COL23A1: variants seen among roughly 807,000 people sequenced by gnomAD.
COL23A1 encodes the protein collagen type XXIII alpha 1 chain, also known as collagen alpha-1(XXIII) chain.
In COL23A1, 97 loss-of-function variants were observed where a neutral mutation model predicts 99.3. That is an observed-to-expected ratio of 0.98 (90% CI 0.83 to 1.16). COL23A1 has a LOEUF of 1.16. Ranked by LOEUF, COL23A1 falls within the 50% of genes most tolerant of loss-of-function variation. COL23A1 has a pLI of 0.00. For synonymous variants in COL23A1, 320 were observed against 308.2 expected, an observed-to-expected ratio of 1.04 and a Z score of -0.40; for missense variants, 762 against 757.4, an observed-to-expected ratio of 1.01 and a Z score of -0.07.
At chr5:178,303,591 G>A (rs1758186265) in intron 3 of COL23A1, among the ~76,000 whole-genome samples, 1 of 152,190 alleles carries the variant, frequency 6.6e-6, no homozygotes, top group Non-Finnish European at 1.5e-5. Context: ...AAAGACTCTA[G>A]CACAGACACT....
At chr5:178,521,358 C>T (rs760244311) in intron 2 of COL23A1, among the ~76,000 whole-genome samples, 1 of 151,910 alleles carries the variant, frequency 6.6e-6, no homozygotes, top group African/African-American at 2.4e-5. Flanking sequence ...TGGAGACCAT[C>T]CTGGCTAACA....
At position 178,483,216 on chromosome 5, in the gene COL23A1, T is replaced by C. The variant is rs1757433940; in HGVS notation, c.361+77466A>G. 2.0e-5 allele frequency among the ~76,000 whole-genome samples: 3 copies of C among 152,202 alleles called. No homozygotes were observed. In the South Asian group the frequency reaches 6.2e-4, roughly 31 times the overall value. ...TTATGCAGATATCTAGAGTTAAATATTTGCATGTAATTTCACACAGTTCTT... is the reference window on the plus strand; with the variant it reads ...TTATGCAGATATCTAGAGTTAAATACTTGCATGTAATTTCACACAGTTCTT... On this transcript the variant is annotated intron_variant, in intron 2 of 28. Transcript: ENST00000390654.
rs535150602 is a variant in COL23A1, at chr5:178,308,629, G to A, written c.362-1710C>T. The stretch of plus-strand genomic sequence containing the variant: ...GAGGCCTGCGACACCCACACTGTCC[G>A]GCCAATTACCTTCCTATCTCCACGT... On this transcript the variant is annotated intron_variant, in intron 2 of 28. Transcript: ENST00000390654. This position sits in a 1 kb window ranked among gnomAD's most constrained non-coding sequence, Gnocchi z 5.1. Among the ~76,000 whole-genome samples the A allele has an allele frequency of 4.6e-5, 7 of 152,278 alleles. No individual in the cohort carries two copies. The highest frequency in any genetic ancestry group is 2.1e-4 in the South Asian group (1 of 4,828).
intron 5 of COL23A1, among the ~76,000 whole-genome samples, chr5:178,270,914 G>A (rs1445651677): frequency 6.6e-6 from 1 of 152,232 alleles, no homozygotes. Context: ...CAATACTTTT[G>A]TTTTGCCTTC....
At chr5:178,572,021 TTGCGCCAC>T (rs1763128870) in intron 1 of COL23A1, among the ~76,000 whole-genome samples, 1 of 140,114 alleles carries the variant, frequency 7.1e-6, no homozygotes, top group Non-Finnish European at 1.5e-5. Context: ...TGAGCCGAGA[TTGCGCCAC>T]TGCACTCCAG....
chr5:178,361,179 T>C lies in COL23A1; in HGVS notation c.362-54260A>G, dbSNP rs947486310. Among the ~76,000 whole-genome samples the C allele has an allele frequency of 1.2e-4, 18 of 152,346 alleles. 1 individual carries two copies. The highest frequency in any genetic ancestry group is 1.2e-3 in the Admixed American group (18 of 15,308). ...ATAAAATATATTTTAAAATGAAACC[T>C]AAATTACTACCACAAAAGGAAAACC... On this transcript the variant is annotated intron_variant, in intron 2 of 28. Transcript: ENST00000390654.
intron 2 of COL23A1, among the ~76,000 whole-genome samples, chr5:178,547,950 A>C (rs1188682826): frequency 2.2e-5 from 1 of 45,514 alleles, no homozygotes; most frequent in Non-Finnish European, 3.9e-5. Context: ...CCCCCCACAC[A>C]CACCCACACA....
chr5:178,369,141 T>A (rs1762660990), intron 2 of COL23A1, among the ~76,000 whole-genome samples: 3 of 152,192 alleles, frequency 2.0e-5, no homozygotes, highest in African/African-American at 7.2e-5. Flanking sequence ...AGGGACAGCA[T>A]CAGTCATGTG....
intron 2 of COL23A1, among the ~76,000 whole-genome samples, chr5:178,549,503 C>G (rs1761891485): frequency 6.6e-6 from 1 of 152,032 alleles, no homozygotes; most frequent in Admixed American, 6.6e-5. Flanking sequence ...GGAACTGGTA[C>G]CTTGGCTCTG....
chr5:178,452,011 A>G (rs7720040), intron 2 of COL23A1, among the ~76,000 whole-genome samples: 9,323 of 152,194 alleles, frequency 0.061, 918 homozygotes, highest in African/African-American at 0.21. Context: ...AACTTATTCT[A>G]AAGTTCATAT....
intron 1 of COL23A1, among the ~76,000 whole-genome samples, chr5:178,577,042 C>T (rs899275518): frequency 6.6e-6 from 1 of 152,100 alleles, no homozygotes; most frequent in Non-Finnish European, 1.5e-5. Flanking sequence ...ACTGCTTCTG[C>T]CTGAGGACTC....
At chr5:178,301,485 T>C (rs1023638804) in intron 3 of COL23A1, among the ~76,000 whole-genome samples, 6 of 152,236 alleles carry the variant, frequency 3.9e-5, no homozygotes, top group African/African-American at 1.4e-4. Context: ...TGCCCTACTT[T>C]CCTGTCTTCT....
Position 178,590,005 on chromosome 5 carries a change from C to T in COL23A1, c.193G>A (p.Val65Met), listed in dbSNP as rs1244081216. 3.5e-5 allele frequency: 48 copies of T among 1,355,462 alleles called. No homozygotes were observed. The highest frequency in any genetic ancestry group is 4.3e-5 in the Non-Finnish European group (45 of 1,055,824). The allele number at this position is 1,355,462 out of a possible 1,614,324, so 84.0% of individuals were successfully genotyped here. The change falls in exon 1 of 29, where the codon GTG becomes ATG. Residue 65 changes from valine to methionine, a missense_variant. Physicochemically the swap from Val to Met is conservative, Grantham distance 21. Transcript: ENST00000390654. The surrounding 1 kb of genome is among the most constrained non-coding windows in gnomAD (Gnocchi z 5.7). ...GVQAAALQGR[V>M]AALEEERELL... ...TCCCGCTCCTCCTCGAGCGCCGCCACCCGGCCCTGCAGCGCGGCCGCCTGG... is the reference window on the plus strand; with the variant it reads ...TCCCGCTCCTCCTCGAGCGCCGCCATCCGGCCCTGCAGCGCGGCCGCCTGG...
intron 2 of COL23A1, among the ~76,000 whole-genome samples, chr5:178,517,139 G>A (rs1440251680): frequency 6.6e-6 from 1 of 152,162 alleles, no homozygotes. Flanking sequence ...AAGGCATGGT[G>A]AGCCATACCA....
At chr5:178,332,409 A>T (rs1561869732) in intron 2 of COL23A1, among the ~76,000 whole-genome samples, 1 of 152,178 alleles carries the variant, frequency 6.6e-6, no homozygotes, top group Non-Finnish European at 1.5e-5. Context: ...CAGCTTCCAG[A>T]TCTGGCAGGA....
Position 178,238,428 on chromosome 5 carries a change from G to A in COL23A1, c.*270C>T. The A allele has an allele frequency of 1.9e-6, 1 of 523,948 alleles. No individual in the cohort carries two copies. 32.5% of individuals were successfully genotyped at this position (523,948 alleles called of 1,614,324 possible). A position where few individuals can be genotyped will look rare whatever the true frequency, so the allele number is the denominator to read the frequency against. ...CCCAACGTAGCATCTTTCTAGCCTTGCCCGAGCCAGGTGCTTCTACCTTCA... is the reference window on the plus strand; with the variant it reads ...CCCAACGTAGCATCTTTCTAGCCTTACCCGAGCCAGGTGCTTCTACCTTCA... On this transcript the variant is annotated 3_prime_UTR_variant, in exon 29 of 29. Transcript: ENST00000390654.
At position 178,468,216 on chromosome 5, in the gene COL23A1, C is replaced by T. The variant is rs868763771; in HGVS notation, c.361+92466G>A. 9.6e-6 allele frequency among the ~76,000 whole-genome samples: 1 copy of T among 103,984 alleles called. No homozygotes were observed. Among genetic ancestry groups the T allele is most frequent in the Non-Finnish European group, 2.1e-5 (1 of 46,810 alleles). The allele number at this position is 103,984 out of a possible 152,430, so 68.2% of individuals were successfully genotyped here. A position where few individuals can be genotyped will look rare whatever the true frequency, so the allele number is the denominator to read the frequency against. ...CCACCCAGACCCCACCCAGACCCCA[C>T]CCAGACTCCAGCCAGAAGCCACGGC... On this transcript the variant is annotated intron_variant, in intron 2 of 28. Transcript: ENST00000390654. This position sits in a 1 kb window ranked among gnomAD's most constrained non-coding sequence, Gnocchi z 4.2.
chr5:178,553,063 T>C (rs1041273748), intron 2 of COL23A1, among the ~76,000 whole-genome samples: 1 of 151,100 alleles, frequency 6.6e-6, no homozygotes, highest in African/African-American at 2.4e-5. Context: ...CCAGCTATTA[T>C]CCCGGCTGAG....
chr5:178,518,590 G>A (rs182345602), intron 2 of COL23A1, among the ~76,000 whole-genome samples: 22,204 of 145,218 alleles, frequency 0.15, 1,771 homozygotes, highest in African/African-American at 0.18. Context: ...TGGGGCGGCG[G>A]GGCAGAGGCG....
Sources: allele counts gnomAD v4.1 joint callset (sites outside exome capture counted in the v4.1 genomes callset), GRCh38; gene constraint gnomAD v4.1.1; non-coding constraint Gnocchi (gnomAD v3.1); transcripts MANE v1.5; gene names NCBI Gene and HGNC (gene_info 2026-07-23, HGNC 2026-07-21).